The following GSE1 variants were observed in gnomAD, a reference collection of about 807,000 sequenced individuals.
GSE1 encodes genetic suppressor element 1.
A neutral mutation model predicts 112.6 loss-of-function variants in GSE1; 32 were observed. That is an observed-to-expected ratio of 0.28 (90% confidence interval 0.21 to 0.38). The LOEUF (loss-of-function observed/expected upper bound fraction) is 0.38. Among genes scored for constraint, GSE1 ranks in the 10% least tolerant of loss-of-function variants. The pLI is 1.00. For missense variants in GSE1, 2,348 were observed against 1,699.2 expected (o/e 1.38, Z -6.71); for synonymous variants, 1,115 against 735.6 (o/e 1.52, Z -8.35).
chr16:85,563,979 G>A (rs1393824165), intron 1 of GSE1, among the ~76,000 whole-genome samples: 1 of 152,226 alleles, frequency 6.6e-6, no homozygotes, highest in Non-Finnish European at 1.5e-5. Context: ...CCCTTCCCAA[G>A]CACCTCCCGT....
chr16:85,475,800 T>A (rs12932537), intron 2 of GSE1, among the ~76,000 whole-genome samples: 127,108 of 148,164 alleles, frequency 0.86, 54,356 homozygotes, highest in Middle Eastern at 0.96. Flanking sequence ...TTTTTTTTTT[T>A]AATACTAGAG....
At chr16:85,666,539 A>C (rs905776382) in intron 13 of GSE1, 192 bp downstream of exon 13, 16 of 619,054 alleles carry the variant, frequency 2.6e-5, no homozygotes, top group Admixed American at 8.9e-5. Context: ...TAAAACCTGA[A>C]CTCGTAGGTG....
At chr16:85,597,299 A>C (rs1283545745) in intron 1 of GSE1, among the ~76,000 whole-genome samples, 4 of 146,920 alleles carry the variant, frequency 2.7e-5, no homozygotes, top group Non-Finnish European at 5.9e-5. Flanking sequence ...CTTTGAACCC[A>C]GGAGACAGAG....
intron 2 of GSE1, among the ~76,000 whole-genome samples, chr16:85,487,295 C>T (rs8055760): frequency 0.16 from 24,711 of 152,118 alleles, 2,078 homozygotes; most frequent in African/African-American, 0.21. Flanking sequence ...CGTCTCCTCC[C>T]GTCACGTGGC....
At chr16:85,196,418 A>T (rs2074928235) in intron 1 of GSE1, among the ~76,000 whole-genome samples, 1 of 152,044 alleles carries the variant, frequency 6.6e-6, no homozygotes, top group Admixed American at 6.6e-5. Context: ...CAGGGAAGGG[A>T]TTGGCGTCAA....
At chr16:85,382,486 G>C (rs1228338757) in intron 2 of GSE1, among the ~76,000 whole-genome samples, 1 of 152,178 alleles carries the variant, frequency 6.6e-6, no homozygotes, top group Non-Finnish European at 1.5e-5. Context: ...ACACAGCTGG[G>C]AGGGACCCTG....
intron 2 of GSE1, among the ~76,000 whole-genome samples, chr16:85,455,064 C>G (rs367638330): frequency 2.0e-5 from 3 of 152,344 alleles, no homozygotes; most frequent in East Asian, 1.9e-4. Flanking sequence ...GTGCATCCCA[C>G]GAGGCTTCGT....
intron 2 of GSE1, among the ~76,000 whole-genome samples, chr16:85,524,668 G>C (rs1329687662): frequency 6.6e-6 from 1 of 152,150 alleles, no homozygotes; most frequent in Non-Finnish European, 1.5e-5. Flanking sequence ...TGACCTGTTT[G>C]CATTCCTGGG....
At chr16:85,442,230 G>C (rs1597769556) in intron 2 of GSE1, among the ~76,000 whole-genome samples, 1 of 152,122 alleles carries the variant, frequency 6.6e-6, no homozygotes, top group Admixed American at 6.5e-5. Context: ...TCCTTAAATA[G>C]CTGTTCTGCT....
chr16:85,555,877 T>C, upstream of GSE1: 1 of 802,596 alleles, frequency 1.2e-6, no homozygotes, highest in African/African-American at 2.0e-5. Context: ...CCCCCCAATT[T>C]CATCACCCTC....
chr16:85,433,725 G>A (rs897583187), intron 2 of GSE1, among the ~76,000 whole-genome samples: 3 of 152,112 alleles, frequency 2.0e-5, no homozygotes, highest in African/African-American at 7.2e-5. Flanking sequence ...GATAGATGGT[G>A]GATGGAGGGT....
chr16:85,619,382 T>C (rs1319375367), intron 1 of GSE1, among the ~76,000 whole-genome samples: 1 of 147,022 alleles, frequency 6.8e-6, no homozygotes, highest in Non-Finnish European at 1.5e-5. Context: ...GGAAAATCTA[T>C]ATGTCAAGCT....
chr16:85,611,027 C>T (rs1172776123), upstream of GSE1, among the ~76,000 whole-genome samples: 1 of 152,236 alleles, frequency 6.6e-6, no homozygotes, highest in South Asian at 2.1e-4. Context: ...CACCCCTGGC[C>T]CAAGGGCCTC....
intron 1 of GSE1, among the ~76,000 whole-genome samples, chr16:85,314,834 C>A (rs2045954274): frequency 6.6e-6 from 1 of 152,156 alleles, no homozygotes; most frequent in Non-Finnish European, 1.5e-5. Flanking sequence ...CTTCCAAGGC[C>A]TCTTGGAGAG....
At chr16:85,272,738 G>C (rs1271203538) in intron 1 of GSE1, among the ~76,000 whole-genome samples, 1 of 76,394 alleles carries the variant, frequency 1.3e-5, no homozygotes, top group Non-Finnish European at 2.1e-5. Flanking sequence ...CTTCTTGCTT[G>C]TTTGCTTGCT....
chr16:85,498,605 A>G (rs371632095), intron 2 of GSE1, among the ~76,000 whole-genome samples: 6 of 152,296 alleles, frequency 3.9e-5, no homozygotes, highest in South Asian at 2.1e-4. Flanking sequence ...ATGTGTATAT[A>G]TGTACATACC....
At chr16:85,539,631 C>A (rs531580572) in intron 2 of GSE1, among the ~76,000 whole-genome samples, 2 of 152,162 alleles carry the variant, frequency 1.3e-5, no homozygotes, top group African/African-American at 4.8e-5. Context: ...TGTTGGAGGC[C>A]GTTCTGTGGC....
Position 85,331,359 on chromosome 16 carries a change from G to GTATATATATATATATGTATATATA in GSE1, c.2284-26103_2284-26102insATATATATATATATGTATATATAT. Among the ~76,000 whole-genome samples the GTATATATATATATATGTATATATA allele has an allele frequency of 3.3e-3, 177 of 54,420 alleles. 7 individuals are homozygous for GTATATATATATATATGTATATATA. The highest frequency in any genetic ancestry group is 0.012 in the Middle Eastern group (1 of 84). The allele number at this position is 54,420 out of a possible 152,430, so 35.7% of individuals were successfully genotyped here. A position where few individuals can be genotyped will look rare whatever the true frequency, so the allele number is the denominator to read the frequency against. ...TGTGTGTGTGTGTGTGTGTGTGTGT[G>GTATATATATATATATGTATATATA]TGTGTGTATATATGTATATATATGT... On this transcript the variant is annotated intron_variant, in intron 1 of 2. Transcript: ENST00000637419.
At chr16:85,198,567 G>T (rs1462127105) in intron 1 of GSE1, among the ~76,000 whole-genome samples, 1 of 152,126 alleles carries the variant, frequency 6.6e-6, no homozygotes, top group Non-Finnish European at 1.5e-5. Flanking sequence ...GGTAGCCTGA[G>T]CTCTGCTGGC....
Sources: gnomAD v4.1 joint callset for allele counts (sites outside exome capture counted in the v4.1 genomes callset) on GRCh38, gnomAD v4.1.1 for gene constraint, MANE v1.5 for transcripts, NCBI Gene and HGNC (gene_info 2026-07-23, HGNC 2026-07-21) for gene names.